Variants in NKAIN1 observed in about 807,000 individuals in gnomAD.
NKAIN1 encodes sodium/potassium-transporting ATPase subunit beta-1-interacting protein 1.
In NKAIN1, 13 loss-of-function variants were observed where a neutral mutation model predicts 31.6. The observed-to-expected ratio is 0.41, with a 90% CI of 0.27 to 0.65. NKAIN1 has a LOEUF of 0.65. NKAIN1 is among the 30% of genes least tolerant of loss of function. NKAIN1 has a pLI of 0.30. For missense variants in NKAIN1, 193 were observed against 262.2 expected (o/e 0.74, Z 1.82); for synonymous variants, 104 against 109.0 (o/e 0.95, Z 0.28).
intron 1 of NKAIN1, among the ~76,000 whole-genome samples, chr1:31,228,828 T>G (rs1449215018): frequency 6.6e-6 from 1 of 152,002 alleles, no homozygotes; most frequent in Non-Finnish European, 1.5e-5. Context: ...ACTCCGGGCC[T>G]CAAGTCATCC....
rs905504687 is a variant in NKAIN1, at chr1:31,239,226, A to G, written c.54+268T>C. 6.6e-6 allele frequency among the ~76,000 whole-genome samples: 1 copy of G among 152,172 alleles called. No homozygotes were observed. Among genetic ancestry groups the G allele is most frequent in the African/African-American group, 2.4e-5 (1 of 41,458 alleles). On this transcript the variant is annotated intron_variant, in intron 1 of 6. Transcript: ENST00000373736. The surrounding 1 kb of genome is among the most constrained non-coding windows in gnomAD (Gnocchi z 4.8). ...CATCCCCCAACAGGAGGCCACTTGT[A>G]CAGTGCGGGCGGGCCGGGGACTCGC...
At chr1:31,211,398 T>G (rs566847864) in intron 1 of NKAIN1, among the ~76,000 whole-genome samples, 39 of 152,160 alleles carry the variant, frequency 2.6e-4, no homozygotes, top group Non-Finnish European at 5.0e-4. Context: ...CAAAACAATT[T>G]CATTTACAAT....
chr1:31,225,648 T>A (rs985213523), intron 1 of NKAIN1, among the ~76,000 whole-genome samples: 14 of 151,326 alleles, frequency 9.3e-5, no homozygotes, highest in African/African-American at 3.4e-4. Flanking sequence ...GGACTTCAGT[T>A]TTCCCAGCTA....
rs539065141 is a variant in NKAIN1, at chr1:31,195,912, C to T, written c.55-7725G>A. 3.2e-5 allele frequency among the ~76,000 whole-genome samples: 4 copies of T among 125,250 alleles called. No individual in the cohort carries two copies. The East Asian group carries it at 9.5e-4, about 30-fold the overall frequency. The allele number at this position is 125,250 out of a possible 152,430, so 82.2% of individuals were successfully genotyped here. A position where few individuals can be genotyped will look rare whatever the true frequency, so the allele number is the denominator to read the frequency against. On this transcript the variant is annotated intron_variant, in intron 1 of 6. Coordinates refer to ENST00000373736, the MANE Select transcript of NKAIN1 (RefSeq NM_024522.3). ...TGTCTCAAAAAAAAAAAAAAAAAAG[C>T]TTCTTACCACCTTGCAGCTGATATC... is the stretch of plus-strand genomic sequence containing the variant.
At chr1:31,218,360 C>A (rs892148734) in intron 1 of NKAIN1, among the ~76,000 whole-genome samples, 2 of 152,146 alleles carry the variant, frequency 1.3e-5, no homozygotes, top group Admixed American at 6.5e-5. Flanking sequence ...CCGCACCTGG[C>A]CGCAGCTACC....
rs1227957065 is a variant in NKAIN1, at chr1:31,215,765, C to T, written c.54+23729G>A. ...AGTAAGAAGGAATCATGGCAGAGGC[C>T]ATGAGTGGTGCATCTCTCACGAGTT... On this transcript the variant is annotated intron_variant, in intron 1 of 6. Transcript: ENST00000373736. Among the ~76,000 whole-genome samples the T allele has an allele frequency of 2.6e-5, 4 of 152,142 alleles. No homozygotes were observed. The East Asian group carries it at 7.7e-4, about 29-fold the overall frequency.
rs765519205 is a variant in NKAIN1, at chr1:31,186,062, T to TAA, written c.193-737_193-736dup. The stretch of plus-strand genomic sequence containing the variant: ...GGGCAATATGGAGAAAACCCATATT[T>TAA]AAAAAAAAAAAAAAAAGAGGCCAGG... On this transcript the variant is annotated intron_variant, in intron 2 of 6. Coordinates refer to ENST00000373736, the MANE Select transcript of NKAIN1 (RefSeq NM_024522.3). Among the ~76,000 whole-genome samples the TAA allele has an allele frequency of 4.3e-3, 563 of 130,264 alleles. 28 individuals carry two copies. The East Asian group carries it at 0.098, about 23-fold the overall frequency. 85.5% of individuals were successfully genotyped at this position (130,264 alleles called of 152,430 possible).
intron 1 of NKAIN1, among the ~76,000 whole-genome samples, chr1:31,192,035 C>A (rs999313810): frequency 7.2e-5 from 11 of 152,198 alleles, no homozygotes; most frequent in Admixed American, 1.3e-4. Context: ...CTTGGCCTCC[C>A]AAAATGCTGG....
At chr1:31,204,217 C>A (rs1482799750) in intron 1 of NKAIN1, among the ~76,000 whole-genome samples, 1 of 152,228 alleles carries the variant, frequency 6.6e-6, no homozygotes, top group Admixed American at 6.5e-5. Flanking sequence ...GGGCTTTATT[C>A]TGCTGGTCCC....
intron 1 of NKAIN1, among the ~76,000 whole-genome samples, chr1:31,214,999 T>A (rs1286749291): frequency 6.6e-6 from 1 of 152,162 alleles, no homozygotes; most frequent in East Asian, 1.9e-4. Context: ...GGGAGTCAAG[T>A]GTTCCCAGTC....
chr1:31,223,269 G>A lies in NKAIN1; in HGVS notation c.54+16225C>T, dbSNP rs200246717. On this transcript the variant is annotated intron_variant, in intron 1 of 6. Transcript: ENST00000373736. ...CAGGTGCTTGTAATCCCAAATGCTC[G>A]GGAGGCTGAGGCAGGAGAATTGCTT... Among the ~76,000 whole-genome samples the A allele has an allele frequency of 1.4e-4, 21 of 151,650 alleles. No individual in the cohort carries two copies. The East Asian group carries it at 3.2e-3, about 23-fold the overall frequency.
chr1:31,182,376 A>G (rs370843212), intron 5 of NKAIN1, among the ~76,000 whole-genome samples, 154 bp downstream of exon 5: 5 of 152,282 alleles, frequency 3.3e-5, no homozygotes, highest in Middle Eastern at 6.8e-3. Flanking sequence ...ACGGGCTGGT[A>G]TGCAGAGCCT....
At chr1:31,208,484 C>G (rs1645440876) in intron 1 of NKAIN1, among the ~76,000 whole-genome samples, 1 of 152,154 alleles carries the variant, frequency 6.6e-6, no homozygotes, top group Non-Finnish European at 1.5e-5. Flanking sequence ...ATGCAGAAGT[C>G]CTACCCACAG....
intron 1 of NKAIN1, among the ~76,000 whole-genome samples, chr1:31,238,076 A>G (rs1020786931): frequency 5.9e-5 from 9 of 152,162 alleles, no homozygotes; most frequent in Non-Finnish European, 1.0e-4. Context: ...CATTTTACAG[A>G]TAAGAAGACT....
At chr1:31,232,666 A>G (rs1645663816) in intron 1 of NKAIN1, among the ~76,000 whole-genome samples, 1 of 151,594 alleles carries the variant, frequency 6.6e-6, no homozygotes, top group Admixed American at 6.6e-5. Context: ...ACTAGAGAAG[A>G]GTAGTTTGGG....
At chr1:31,221,495 G>T (rs938850665) in intron 1 of NKAIN1, among the ~76,000 whole-genome samples, 1 of 152,142 alleles carries the variant, frequency 6.6e-6, no homozygotes, top group Non-Finnish European at 1.5e-5. Context: ...GAGTGCAGTG[G>T]TGCGGTCTCG....
intron 1 of NKAIN1, among the ~76,000 whole-genome samples, chr1:31,216,232 C>CCGTCTG (rs1645511259): frequency 6.6e-6 from 1 of 151,922 alleles, no homozygotes; most frequent in Non-Finnish European, 1.5e-5. Flanking sequence ...GAAGCAATTG[C>CCGTCTG]CGTCTGCACG....
intron 1 of NKAIN1, among the ~76,000 whole-genome samples, chr1:31,217,560 G>A (rs12748874): frequency 0.099 from 15,073 of 152,260 alleles, 1,028 homozygotes; most frequent in Non-Finnish European, 0.15. Flanking sequence ...CAAGACCATG[G>A]GGAAAGGCTC....
intron 1 of NKAIN1, among the ~76,000 whole-genome samples, chr1:31,236,208 T>C (rs10798835): frequency 0.55 from 84,267 of 151,940 alleles, 24,053 homozygotes; most frequent in Non-Finnish European, 0.63. Flanking sequence ...CTGTCAAACT[T>C]CAGAGCCTTA....
Sources: allele counts gnomAD v4.1 joint callset (sites outside exome capture counted in the v4.1 genomes callset), GRCh38; gene constraint gnomAD v4.1.1; non-coding constraint Gnocchi (gnomAD v3.1); transcripts MANE v1.5; gene names NCBI Gene and HGNC (gene_info 2026-07-23, HGNC 2026-07-21).